The following CDS1 variants were observed in gnomAD, a reference collection of about 807,000 sequenced individuals.
The protein encoded by CDS1 is CDP-diacylglycerol synthase 1.
Under a neutral mutation model 62.1 loss-of-function variants are expected in CDS1, and 41 were observed. That is an observed-to-expected ratio of 0.66 (90% CI 0.51 to 0.86). CDS1 has a LOEUF of 0.86. Ranked by LOEUF, CDS1 falls within the 40% of genes least tolerant of loss-of-function variation. CDS1 has a pLI of 0.00. For synonymous variants in CDS1, 185 were observed against 192.6 expected, an observed-to-expected ratio of 0.96 and a Z score of 0.32; for missense variants, 470 against 550.1, an observed-to-expected ratio of 0.85 and a Z score of 1.46.
At chr4:84,611,217 A>C (rs1723309474) in intron 3 of CDS1, among the ~76,000 whole-genome samples, 1 of 152,212 alleles carries the variant, frequency 6.6e-6, no homozygotes, top group Admixed American at 6.5e-5. Context: ...GCATTTGTTC[A>C]ATGCATTCAT....
chr4:84,607,279 A>G (rs1249190965), intron 2 of CDS1, among the ~76,000 whole-genome samples: 1 of 152,022 alleles, frequency 6.6e-6, no homozygotes, highest in African/African-American at 2.4e-5. Flanking sequence ...GAAAGCAAGG[A>G]ATGTAATCTT....
chr4:84,601,088 G>A lies in CDS1; in HGVS notation c.118-3155G>A, dbSNP rs138918729. ...CTCAGGAGGCTGAGGTGGGAGGATG[G>A]CTTGAGCCCAGGAGTCTGAGGTTGC... is the stretch of plus-strand genomic sequence containing the variant. On this transcript the variant is annotated intron_variant, in intron 1 of 12. Coordinates refer to ENST00000295887, the MANE Select transcript of CDS1 (RefSeq NM_001263.4). Among the ~76,000 whole-genome samples the A allele has an allele frequency of 2.1e-3, 321 of 150,766 alleles. 1 individual carries two copies. The highest frequency in any genetic ancestry group is 7.2e-3 in the African/African-American group (295 of 40,906).
chr4:84,631,462 A>T (rs946380130), intron 5 of CDS1, among the ~76,000 whole-genome samples: 2 of 152,208 alleles, frequency 1.3e-5, no homozygotes, highest in African/African-American at 4.8e-5. Flanking sequence ...GAGATTGAAA[A>T]CATTCTGTAC....
chr4:84,617,077 A>G (rs1458102043), intron 3 of CDS1, among the ~76,000 whole-genome samples: 2 of 152,222 alleles, frequency 1.3e-5, no homozygotes, highest in African/African-American at 2.4e-5. Flanking sequence ...AAGTGTTCTA[A>G]CTATTTGTCC....
chr4:84,644,380 A>G (rs1327151765), intron 11 of CDS1, among the ~76,000 whole-genome samples: 2 of 152,204 alleles, frequency 1.3e-5, no homozygotes, highest in Admixed American at 6.5e-5. Context: ...GAAGAGAAAG[A>G]GAGAAATGGG....
Position 84,583,160 on chromosome 4 carries a change from G to T in CDS1, c.-242G>T. 2.2e-6 allele frequency: 1 copy of T among 446,448 alleles called. No individual in the cohort carries two copies. The highest frequency in any genetic ancestry group is 4.0e-5 in the East Asian group (1 of 25,272). 27.7% of individuals were successfully genotyped at this position (446,448 alleles called of 1,614,324 possible). ...TGCTCGCGCCTGGCGCCCGGAGCCT[G>T]CCCGGGACCTCCGCCGGAGCCGCGC... On this transcript the variant is annotated 5_prime_UTR_variant, in exon 1 of 13. Coordinates refer to ENST00000295887, the MANE Select transcript of CDS1 (RefSeq NM_001263.4).
At position 84,635,322 on chromosome 4, in the gene CDS1, T is replaced by A; in HGVS notation, c.781T>A (p.Phe261Ile). Residue 261 changes from phenylalanine to isoleucine, a missense_variant, in exon 8 of 13, where the codon TTT (phenylalanine) becomes ATT (isoleucine). Phe to Ile is a conservative substitution (Grantham distance 21, BLOSUM62 0). Coordinates refer to ENST00000295887, the MANE Select transcript of CDS1 (RefSeq NM_001263.4). ...TGACATAACTGCTTACCTTTTTGGA[T>A]TTTTTTTTGGGAGAACTCCATTAAT... The part of the protein sequence containing the change: ...CNDITAYLFG[F>I]FFGRTPLIKL... The A allele has an allele frequency of 2.1e-6, 3 of 1,457,470 alleles. No homozygotes were observed. The highest frequency in any genetic ancestry group is 2.8e-6 in the Non-Finnish European group (3 of 1,057,364). 90.3% of individuals were successfully genotyped at this position (1,457,470 alleles called of 1,614,324 possible).
In CDS1 at chr4:84,650,190, A is replaced by C. The variant is rs1219749549; in HGVS notation, c.*1504A>C. On this transcript the variant is annotated 3_prime_UTR_variant, in exon 13 of 13. Coordinates refer to ENST00000295887, the MANE Select transcript of CDS1 (RefSeq NM_001263.4). ...TTGCCGTTATACCTGGGTTCCACTG[A>C]TGCAGTCAGCCAGCACCTCCTCACA... is the stretch of plus-strand genomic sequence containing the variant. The C allele has an allele frequency of 6.6e-6, 1 of 152,186 alleles. No individual in the cohort carries two copies. The highest frequency in any genetic ancestry group is 1.5e-5 in the Non-Finnish European group (1 of 68,032). 9.4% of individuals were successfully genotyped at this position (152,186 alleles called of 1,614,324 possible). A position where few individuals can be genotyped will look rare whatever the true frequency, so the allele number is the denominator to read the frequency against.
Position 84,599,401 on chromosome 4 carries a change from CACACATATATAT to C in CDS1, c.118-4840_118-4829del, listed in dbSNP as rs1259907676. On this transcript the variant is annotated intron_variant, in intron 1 of 12. Coordinates refer to ENST00000295887, the MANE Select transcript of CDS1 (RefSeq NM_001263.4). Reference sequence around the variant, plus strand: ...ATAATTTGGCAAATTTTGACACACACACACATATATATATATATATATATATATATATATATA... The same window carrying C: ...ATAATTTGGCAAATTTTGACACACACATATATATATATATATATATATATA... Among the ~76,000 whole-genome samples, 19 of 23,964 alleles carry C rather than the reference CACACATATATAT, an allele frequency of 7.9e-4. No individual in the cohort carries two copies. The East Asian group carries it at 0.016, about 21-fold the overall frequency. 15.7% of individuals were successfully genotyped at this position (23,964 alleles called of 152,430 possible).
In CDS1 at chr4:84,583,452, G is replaced by T; in HGVS notation, c.51G>T (p.Val17=). ...RGSCPGPREA[V]SPPHREGEAA... is the part of the protein sequence containing the mutation. ...GCTGCCCCGGCCCCAGGGAAGCGGTGTCGCCGCCACACCGCGAGGGAGAGG... is the reference window on the plus strand; with the variant it reads ...GCTGCCCCGGCCCCAGGGAAGCGGTTTCGCCGCCACACCGCGAGGGAGAGG... The change falls in exon 1 of 13, where the codon GTG becomes GTT. Residue 17 remains valine, a synonymous_variant. Transcript: ENST00000295887. The T allele has an allele frequency of 6.3e-7, 1 of 1,587,138 alleles. No individual in the cohort carries two copies. The highest frequency in any genetic ancestry group is 8.6e-7 in the Non-Finnish European group (1 of 1,168,200).
At chr4:84,617,026 A>G (rs369761741) in intron 3 of CDS1, among the ~76,000 whole-genome samples, 6 of 152,316 alleles carry the variant, frequency 3.9e-5, no homozygotes, top group African/African-American at 1.4e-4. Context: ...AGTTGACACA[A>G]CTGGGAGGAT....
intron 1 of CDS1, among the ~76,000 whole-genome samples, chr4:84,599,407 TATATATA>T: frequency 1.3e-4 from 1 of 7,762 alleles, no homozygotes; most frequent in Non-Finnish European, 3.0e-4. Context: ...CACACACACA[TATATATA>T]TATATATATA....
intron 10 of CDS1, among the ~76,000 whole-genome samples, chr4:84,642,120 GA>G (rs1724403014): frequency 6.6e-6 from 1 of 152,158 alleles, no homozygotes; most frequent in Non-Finnish European, 1.5e-5. Flanking sequence ...CTGATGCCAG[GA>G]GTTCCAGACC....
intron 5 of CDS1, among the ~76,000 whole-genome samples, chr4:84,620,999 G>A (rs1283086867): frequency 7.9e-5 from 12 of 152,152 alleles, no homozygotes; most frequent in African/African-American, 2.9e-4. Flanking sequence ...GGCGGAGGTT[G>A]CGGTGAGCCG....
intron 1 of CDS1, among the ~76,000 whole-genome samples, chr4:84,583,983 C>G (rs904864260): frequency 6.6e-6 from 1 of 152,148 alleles, no homozygotes; most frequent in African/African-American, 2.4e-5. Context: ...CTTGGCTTCT[C>G]GCGCTGCCCC....
At chr4:84,643,514 T>G (rs1724458566) in intron 11 of CDS1, among the ~76,000 whole-genome samples, 1 of 152,184 alleles carries the variant, frequency 6.6e-6, no homozygotes, top group Non-Finnish European at 1.5e-5. Context: ...GAAGAACCTT[T>G]GGCTATGTAA....
intron 3 of CDS1, among the ~76,000 whole-genome samples, chr4:84,611,538 G>A (rs1264702602): frequency 6.6e-6 from 1 of 151,942 alleles, no homozygotes; most frequent in East Asian, 1.9e-4. Context: ...TGTGAAATTA[G>A]ACATGATGAA....
chr4:84,597,534 G>A (rs1722788678), intron 1 of CDS1, among the ~76,000 whole-genome samples: 1 of 152,170 alleles, frequency 6.6e-6, no homozygotes, highest in Non-Finnish European at 1.5e-5. Flanking sequence ...AGCTGCTTGA[G>A]TGGCTGAGGT....
intron 5 of CDS1, among the ~76,000 whole-genome samples, chr4:84,626,165 T>A (rs1723853404): frequency 6.6e-6 from 1 of 151,724 alleles, no homozygotes; most frequent in African/African-American, 2.4e-5. Flanking sequence ...GAAACTCCAT[T>A]TCAAAAAAAA....
Sources: allele counts gnomAD v4.1 joint callset (sites outside exome capture counted in the v4.1 genomes callset), GRCh38; gene constraint gnomAD v4.1.1; transcripts MANE v1.5; gene names NCBI Gene and HGNC (gene_info 2026-07-23, HGNC 2026-07-21).